The following BAZ1A variants were observed in gnomAD, a reference collection of about 807,000 sequenced individuals.
The protein encoded by BAZ1A is bromodomain adjacent to zinc finger domain protein 1A.
BAZ1A carries 50 observed loss-of-function variants against 185.2 expected under a neutral mutation model. The ratio of observed to expected loss-of-function variants is 0.27; its 90% CI spans 0.22 to 0.34. The LOEUF is 0.34. Ranked by LOEUF, BAZ1A falls within the 10% of genes least tolerant of loss-of-function variation. The pLI, the probability that BAZ1A is intolerant of heterozygous loss-of-function variation, is 1.00. For missense variants in BAZ1A, 1,356 were observed against 1,839.9 expected, an observed-to-expected ratio of 0.74 and a Z score of 4.81; for synonymous variants, 571 against 615.6, an observed-to-expected ratio of 0.93 and a Z score of 1.07.
chr14:34,762,296 G>C, intron 23 of BAZ1A, 73 bp from the exon 24 acceptor site: 1 of 1,392,138 alleles, frequency 7.2e-7, no homozygotes, highest in East Asian at 2.3e-5. Flanking sequence ...TATTCTCCTT[G>C]TTGTATTTAG....
intron 23 of BAZ1A, among the ~76,000 whole-genome samples, 186 bp from the exon 24 acceptor site, chr14:34,762,409 C>T (rs1290909406): frequency 6.6e-6 from 1 of 151,982 alleles, no homozygotes; most frequent in African/African-American, 2.4e-5. Context: ...CTAAAATGTG[C>T]TTTCATGTAT....
intron 3 of BAZ1A, among the ~76,000 whole-genome samples, chr14:34,851,881 A>C (rs1466759996): frequency 6.6e-6 from 1 of 151,706 alleles, no homozygotes; most frequent in African/African-American, 2.4e-5. Context: ...TAATCCCAGC[A>C]CTTTGGGAGG....
chr14:34,776,702 G>C (rs1879638705), intron 17 of BAZ1A, among the ~76,000 whole-genome samples, 187 bp from the exon 18 acceptor site: 1 of 152,114 alleles, frequency 6.6e-6, no homozygotes, highest in Non-Finnish European at 1.5e-5. Context: ...GAACCTTTAA[G>C]GAGGTAATTA....
intron 3 of BAZ1A, among the ~76,000 whole-genome samples, chr14:34,839,644 C>A (rs12436798): frequency 0.42 from 63,907 of 150,700 alleles, 13,866 homozygotes; most frequent in South Asian, 0.54. Flanking sequence ...GAGATCTAGA[C>A]CATCCTGGCT....
intron 7 of BAZ1A, among the ~76,000 whole-genome samples, 162 bp from the exon 8 acceptor site, chr14:34,801,355 G>C (rs1424355038): frequency 6.6e-6 from 1 of 151,688 alleles, no homozygotes; most frequent in Non-Finnish European, 1.5e-5. Flanking sequence ...GCAGTGGTGT[G>C]ATCTCGGCTC....
At chr14:34,872,925 A>C (rs1224605675) in intron 2 of BAZ1A, among the ~76,000 whole-genome samples, 1 of 93,510 alleles carries the variant, frequency 1.1e-5, no homozygotes, top group Non-Finnish European at 2.9e-5. Flanking sequence ...AAAAAAAAAA[A>C]AAAAAAAAAA....
At chr14:34,824,752 G>A (rs2042141412) in intron 4 of BAZ1A, among the ~76,000 whole-genome samples, 1 of 152,160 alleles carries the variant, frequency 6.6e-6, no homozygotes, top group Admixed American at 6.6e-5. Flanking sequence ...TATTTCAGGA[G>A]CAAAGTAATT....
chr14:34,761,878 G>A lies in BAZ1A; in HGVS notation c.4122C>T (p.Phe1374=). Residue 1374 remains phenylalanine (F), a synonymous_variant, in exon 24 of 27, where the codon TTC becomes TTT. Coordinates refer to ENST00000360310, the MANE Select transcript of BAZ1A (RefSeq NM_013448.3). ...ANNTPENSPN[F]PNFRVIATKS... ...TTGTGGCAATGACTCTGAAGTTAGGGAAGTTGGGACTATTTTCTGGTGTAT... is the reference window on the plus strand; with the variant it reads ...TTGTGGCAATGACTCTGAAGTTAGGAAAGTTGGGACTATTTTCTGGTGTAT... 1 of 1,614,170 alleles carries A rather than the reference G, an allele frequency of 6.2e-7. No individual in the cohort carries two copies. Among genetic ancestry groups the A allele is most frequent in the Non-Finnish European group, 8.5e-7 (1 of 1,180,022 alleles).
chr14:34,833,890 AAAC>A (rs1344540143), intron 3 of BAZ1A, among the ~76,000 whole-genome samples: 5 of 152,306 alleles, frequency 3.3e-5, no homozygotes, highest in Middle Eastern at 3.4e-3. Context: ...AAAATAAAAA[AAAC>A]AACTTTTTTT....
intron 4 of BAZ1A, among the ~76,000 whole-genome samples, chr14:34,815,212 T>C (rs747044727): frequency 2.0e-5 from 3 of 152,190 alleles, no homozygotes; most frequent in Admixed American, 6.5e-5. Context: ...TCAGTGAAAA[T>C]ATTCTTACTG....
rs572270599 is a variant in BAZ1A, at chr14:34,837,846, A to G, written c.393-11690T>C. ...ATGTAAGATAGTCTTGCCTCCTTAC[A>G]GCAAGGTTAACATTTTAAGATCAGA... On this transcript the variant is annotated intron_variant, in intron 3 of 26. Coordinates refer to ENST00000360310, the MANE Select transcript of BAZ1A (RefSeq NM_013448.3). Among the ~76,000 whole-genome samples, 7 of 152,346 alleles carry G rather than the reference A, an allele frequency of 4.6e-5. No homozygotes were observed. The East Asian group carries it at 5.8e-4, about 13-fold the overall frequency.
chr14:34,855,851 C>T (rs1467886813), intron 3 of BAZ1A, among the ~76,000 whole-genome samples: 1 of 151,764 alleles, frequency 6.6e-6, no homozygotes, highest in African/African-American at 2.4e-5. Flanking sequence ...TGCAGTGAGC[C>T]GTGATCACGC....
At chr14:34,799,235 G>A (rs947988613) in intron 9 of BAZ1A, among the ~76,000 whole-genome samples, 55 of 110,410 alleles carry the variant, frequency 5.0e-4, no homozygotes, top group African/African-American at 1.9e-3. Flanking sequence ...GGCCTGTTGT[G>A]GGGTGGGGGG....
In BAZ1A at chr14:34,786,603, G is replaced by GT. The variant is rs542523340; in HGVS notation, c.1511-383dup. The GT allele has an allele frequency of 2.9e-3, 312 of 106,864 alleles. 19 individuals carry two copies. Among genetic ancestry groups the GT allele is most frequent in the African/African-American group, 7.0e-3 (188 of 26,988 alleles). 6.6% of individuals were successfully genotyped at this position (106,864 alleles called of 1,614,324 possible). A position where few individuals can be genotyped will look rare whatever the true frequency, so the allele number is the denominator to read the frequency against. On this transcript the variant is annotated intron_variant, in intron 12 of 26. Coordinates refer to ENST00000360310, the MANE Select transcript of BAZ1A (RefSeq NM_013448.3). ...TTAAAGATACTCCAATCTTTTATGT[G>GT]TGTTTTTTTTTTTTTTTTTTTTGAG...
At chr14:34,804,173 A>G (rs749503352) in intron 6 of BAZ1A, among the ~76,000 whole-genome samples, 1 of 151,968 alleles carries the variant, frequency 6.6e-6, no homozygotes, top group Non-Finnish European at 1.5e-5. Flanking sequence ...ACATCTGGCT[A>G]ATTTTTGTAT....
At chr14:34,869,432 GAGAC>G (rs1238695832) in intron 2 of BAZ1A, among the ~76,000 whole-genome samples, 1 of 152,168 alleles carries the variant, frequency 6.6e-6, no homozygotes, top group Non-Finnish European at 1.5e-5. Flanking sequence ...GGAGCAGAAA[GAGAC>G]AGAACTATCT....
At chr14:34,838,628 G>A (rs1267876265) in intron 3 of BAZ1A, among the ~76,000 whole-genome samples, 1 of 151,554 alleles carries the variant, frequency 6.6e-6, no homozygotes, top group Non-Finnish European at 1.5e-5. Context: ...AGGTTTAAGC[G>A]ATTCTCCTGC....
chr14:34,790,329 C>T (rs1319077454), intron 12 of BAZ1A, among the ~76,000 whole-genome samples: 1 of 152,020 alleles, frequency 6.6e-6, no homozygotes, highest in African/African-American at 2.4e-5. Context: ...ACCACTACAC[C>T]TGGCTAATTT....
chr14:34,862,009 A>C (rs778878160), intron 3 of BAZ1A, 35 bp downstream of exon 3: 1 of 1,597,898 alleles, frequency 6.3e-7, no homozygotes, highest in Non-Finnish European at 8.5e-7. Context: ...ATGTGAATAT[A>C]AACTTACCAA....
Sources: gnomAD v4.1 joint callset for allele counts (sites outside exome capture counted in the v4.1 genomes callset) on GRCh38, gnomAD v4.1.1 for gene constraint, MANE v1.5 for transcripts, NCBI Gene and HGNC (gene_info 2026-07-23, HGNC 2026-07-21) for gene names.